Variants in SAMD12 observed in about 807,000 individuals in gnomAD.
SAMD12 encodes sterile alpha motif domain containing 12.
A neutral mutation model predicts 15.0 loss-of-function variants in SAMD12; 9 were observed. That is an observed-to-expected ratio of 0.60 (90% confidence interval 0.36 to 1.05). SAMD12 has a LOEUF of 1.05. SAMD12 is among the 50% of genes least tolerant of loss of function. The pLI is 0.01. For synonymous variants in SAMD12, 86 were observed against 90.1 expected, an observed-to-expected ratio of 0.96 and a Z score of 0.25; for missense variants, 230 against 234.2, an observed-to-expected ratio of 0.98 and a Z score of 0.12.
At chr8:118,265,722 T>A (rs1813180617) in intron 4 of SAMD12, among the ~76,000 whole-genome samples, 2 of 151,808 alleles carry the variant, frequency 1.3e-5, no homozygotes, top group African/African-American at 2.4e-5. Context: ...CATGGATACT[T>A]AAGTGGTCCA....
At chr8:118,534,173 A>G (rs1400207542) in intron 2 of SAMD12, among the ~76,000 whole-genome samples, 2 of 152,070 alleles carry the variant, frequency 1.3e-5, no homozygotes, top group African/African-American at 2.4e-5. Context: ...GCTTGTCTGT[A>G]AAGTATTTTA....
chr8:118,479,768 GAT>G (rs1473587459), intron 2 of SAMD12, among the ~76,000 whole-genome samples: 1 of 104,488 alleles, frequency 9.6e-6, no homozygotes, highest in Non-Finnish European at 2.0e-5. Flanking sequence ...TCCCTGCCAT[GAT>G]ACTCTTTTTT....
intron 4 of SAMD12, among the ~76,000 whole-genome samples, chr8:118,329,313 A>G (rs374503192): frequency 6.6e-6 from 1 of 152,172 alleles, no homozygotes; most frequent in East Asian, 1.9e-4. Context: ...TTTTACTTTT[A>G]GGTTTTTTGT....
intron 3 of SAMD12, among the ~76,000 whole-genome samples, chr8:118,385,870 C>T (rs1378947725): frequency 6.6e-6 from 1 of 152,126 alleles, no homozygotes; most frequent in Non-Finnish European, 1.5e-5. Context: ...TTGGTTAAAA[C>T]AAGAAGAAGA....
intron 4 of SAMD12, among the ~76,000 whole-genome samples, chr8:118,356,901 A>G (rs1818254439): frequency 1.3e-5 from 2 of 152,100 alleles, no homozygotes; most frequent in South Asian, 4.1e-4. Context: ...TCCAGTACCA[A>G]GTTCTATTGA....
At chr8:118,429,329 T>TG in intron 3 of SAMD12, among the ~76,000 whole-genome samples, 1 of 152,344 alleles carries the variant, frequency 6.6e-6, no homozygotes, top group South Asian at 2.1e-4. Flanking sequence ...AAATGCTCAC[T>TG]GCAGTACTTC....
In SAMD12 at chr8:118,453,733, C is replaced by A. The variant is rs552322809; in HGVS notation, c.193-13772G>T. 9.2e-5 allele frequency among the ~76,000 whole-genome samples: 14 copies of A among 152,212 alleles called. No individual in the cohort carries two copies. The South Asian group carries it at 2.9e-3, about 32-fold the overall frequency. Reference sequence around the variant, plus strand: ...TGAGGGTCTCACTATGTTGTCCAGGCTGGTCTCAAACTCTTGGGCTCAAAC... The same window carrying A: ...TGAGGGTCTCACTATGTTGTCCAGGATGGTCTCAAACTCTTGGGCTCAAAC... On this transcript the variant is annotated intron_variant, in intron 2 of 3. Coordinates refer to ENST00000314727, the MANE Select transcript of SAMD12 (RefSeq NM_207506.3).
the SAMD12 span, among the ~76,000 whole-genome samples, chr8:118,132,960 A>ATG: frequency 7.5e-3 from 609 of 80,792 alleles, 30 homozygotes; most frequent in African/African-American, 0.028. Context: ...TAGCTAACAT[A>ATG]TGTGTGTGTG....
At position 118,419,692 on chromosome 8, in the gene SAMD12, G is replaced by A. The variant is rs28375911; in HGVS notation, c.322+20140C>T. 5.8e-3 allele frequency among the ~76,000 whole-genome samples: 876 copies of A among 152,198 alleles called. 10 individuals are homozygous for A. The highest frequency in any genetic ancestry group is 0.02 in the African/African-American group (825 of 41,552). On this transcript the variant is annotated intron_variant, in intron 3 of 3. Transcript: ENST00000314727. ...GTATATCTTGTCCCCATTTTTCTAT[G>A]TGCTGAACTGATCATCACTGTGAAT...
intron 2 of SAMD12, among the ~76,000 whole-genome samples, chr8:118,472,355 A>G (rs1371245662): frequency 6.6e-6 from 1 of 151,916 alleles, no homozygotes; most frequent in African/African-American, 2.4e-5. Context: ...CAGGTGTGGT[A>G]ATGGGTCTCG....
intron 2 of SAMD12, among the ~76,000 whole-genome samples, chr8:118,481,006 G>A (rs1302354503): frequency 1.3e-5 from 2 of 152,136 alleles, no homozygotes; most frequent in African/African-American, 2.4e-5. Flanking sequence ...GCAGTGGCAC[G>A]ATCTTGGCTC....
rs1824129005 is a variant in SAMD12 at position 118,481,591 on chromosome 8, CT to C, written c.193-41631del. Among the ~76,000 whole-genome samples, 3 of 152,096 alleles carry C rather than the reference CT, an allele frequency of 2.0e-5. No individual in the cohort carries two copies. In the South Asian group the frequency reaches 6.2e-4, roughly 32 times the overall value. ...CTTTGTAGAGGAGGGCCATTTTGAT[CT>C]ATTTTCACCAATGATTTGAAATCAA... On this transcript the variant is annotated intron_variant, in intron 2 of 3. Coordinates refer to ENST00000314727, the MANE Select transcript of SAMD12 (RefSeq NM_207506.3).
chr8:118,427,122 C>T (rs1822256589), intron 3 of SAMD12, among the ~76,000 whole-genome samples: 1 of 152,104 alleles, frequency 6.6e-6, no homozygotes, highest in Non-Finnish European at 1.5e-5. Context: ...CAGTGAAAAA[C>T]AAAATGCAAA....
chr8:118,541,173 T>C (rs954459558), intron 2 of SAMD12, among the ~76,000 whole-genome samples: 1 of 152,176 alleles, frequency 6.6e-6, no homozygotes. Flanking sequence ...ACCCAGGAAG[T>C]AGATAGCTAG....
intron 2 of SAMD12, among the ~76,000 whole-genome samples, chr8:118,530,874 C>A (rs181231689): frequency 6.6e-6 from 1 of 152,166 alleles, no homozygotes; most frequent in Non-Finnish European, 1.5e-5. Flanking sequence ...CAGGGACTTA[C>A]TCTGTAGCCC....
intron 2 of SAMD12, among the ~76,000 whole-genome samples, chr8:118,453,547 G>T (rs1161712067): frequency 6.6e-6 from 1 of 152,068 alleles, no homozygotes; most frequent in East Asian, 1.9e-4. Flanking sequence ...TTGAGACAGG[G>T]TCTTTCTCTG....
At chr8:118,255,873 A>AT (rs1812927347) in intron 4 of SAMD12, among the ~76,000 whole-genome samples, 1 of 152,106 alleles carries the variant, frequency 6.6e-6, no homozygotes, top group African/African-American at 2.4e-5. Flanking sequence ...TATACCCAGT[A>AT]ATGGGATGGC....
chr8:118,215,685 A>G (rs1459629521), intron 4 of SAMD12, among the ~76,000 whole-genome samples: 6 of 151,314 alleles, frequency 4.0e-5, no homozygotes, highest in Non-Finnish European at 2.9e-5. Flanking sequence ...TCATTGTTCA[A>G]TTCCCACCTA....
At chr8:118,514,807 G>C (rs181224675) in intron 2 of SAMD12, among the ~76,000 whole-genome samples, 8 of 152,308 alleles carry the variant, frequency 5.3e-5, no homozygotes, top group Admixed American at 5.2e-4. Context: ...GTGCACTGAG[G>C]AAAGGACATC....
Sources: gnomAD v4.1 joint callset for allele counts (sites outside exome capture counted in the v4.1 genomes callset) on GRCh38, gnomAD v4.1.1 for gene constraint, MANE v1.5 for transcripts, NCBI Gene and HGNC (gene_info 2026-07-23, HGNC 2026-07-21) for gene names.